Variants in RANBP2 observed in about 807,000 individuals in gnomAD.
The protein encoded by RANBP2 is RAN binding protein 2.
In RANBP2, 57 loss-of-function variants were observed where a neutral mutation model predicts 303.6. The ratio of observed to expected loss-of-function variants is 0.19; its 90% CI spans 0.15 to 0.23. The LOEUF is 0.23. Among genes scored for constraint, RANBP2 ranks in the 10% least tolerant of loss-of-function variants. The pLI is 1.00. For synonymous variants in RANBP2, 1,167 were observed against 1,301.5 expected (o/e 0.90, Z 2.23); for missense variants, 3,138 against 3,780.8 (o/e 0.83, Z 4.46).
At chr2:108,823,984 A>T in the RANBP2 span, among the ~76,000 whole-genome samples, 1 of 151,008 alleles carries the variant, frequency 6.6e-6, no homozygotes, top group Non-Finnish European at 1.5e-5. Flanking sequence ...CAAAAGAAAA[A>T]AAAGGGAGGG....
chr2:108,873,725 C>A, the RANBP2 span: 1 of 566,842 alleles, frequency 1.8e-6, no homozygotes, highest in Non-Finnish European at 3.0e-6. Flanking sequence ...ACATAAAATA[C>A]GCTAACACTA....
chr2:109,395,713 A>G, the RANBP2 span, among the ~76,000 whole-genome samples: 1 of 152,186 alleles, frequency 6.6e-6, no homozygotes, highest in Non-Finnish European at 1.5e-5. Flanking sequence ...GTGGCCGCCC[A>G]GTGCTCAGTG....
At chr2:109,065,556 G>A in the RANBP2 span, among the ~76,000 whole-genome samples, 49 of 152,332 alleles carry the variant, frequency 3.2e-4, no homozygotes, top group Non-Finnish European at 5.9e-4. Context: ...CTAACTGGAG[G>A]AGAGCAAGCT....
the RANBP2 span, among the ~76,000 whole-genome samples, chr2:109,008,771 G>A: frequency 2.7e-5 from 4 of 150,904 alleles, no homozygotes; most frequent in Admixed American, 6.6e-5. Context: ...GTGTGGTGGC[G>A]GGCGCCTGTA....
the RANBP2 span, among the ~76,000 whole-genome samples, chr2:109,602,901 CAAAA>C: frequency 4.5e-5 from 5 of 110,372 alleles, no homozygotes; most frequent in East Asian, 2.7e-4. Flanking sequence ...GACCCTGTCT[CAAAA>C]AAAAAAAAAA....
the RANBP2 span, among the ~76,000 whole-genome samples, chr2:109,340,860 A>C: frequency 1.3e-5 from 2 of 152,190 alleles, no homozygotes; most frequent in African/African-American, 4.8e-5. Flanking sequence ...CTTTGATGCA[A>C]CAGGGAAACA....
chr2:108,982,895 GA>G, the RANBP2 span, among the ~76,000 whole-genome samples: 1 of 152,202 alleles, frequency 6.6e-6, no homozygotes, highest in East Asian at 1.9e-4. Context: ...TGGCCACCCA[GA>G]CAGGCCAGGT....
chr2:108,832,964 T>G, the RANBP2 span, among the ~76,000 whole-genome samples: 1 of 152,202 alleles, frequency 6.6e-6, no homozygotes, highest in East Asian at 1.9e-4. Context: ...GGGATCTATA[T>G]TTTACCATGG....
In RANBP2 at chr2:108,746,608, GTTTA is replaced by G. The variant is rs1440126252; in HGVS notation, c.976-100_976-97del. On this transcript the variant is annotated intron_variant, in intron 7 of 28. Transcript: ENST00000283195. ...AATTCAGTTTAATTAATGGTTAACTGTTTATTCATTATCAAAAAAAGTACAGTGT... is the reference window on the plus strand; with the variant it reads ...AATTCAGTTTAATTAATGGTTAACTGTTCATTATCAAAAAAAGTACAGTGT... The G allele has an allele frequency of 1.6e-5, 15 of 938,612 alleles. No individual in the cohort carries two copies. The Admixed American group carries it at 3.6e-4, about 22-fold the overall frequency. 58.1% of individuals were successfully genotyped at this position (938,612 alleles called of 1,614,324 possible).
At chr2:109,288,742 T>C in the RANBP2 span, among the ~76,000 whole-genome samples, 5 of 151,814 alleles carry the variant, frequency 3.3e-5, no homozygotes, top group Non-Finnish European at 7.3e-5. Context: ...GGGTAAAAGT[T>C]GTCATGATGG....
the RANBP2 span, among the ~76,000 whole-genome samples, chr2:109,266,107 TTG>T: frequency 1.3e-5 from 2 of 150,768 alleles, no homozygotes; most frequent in South Asian, 2.1e-4. Flanking sequence ...CATGTGTGTG[TTG>T]TGTGTATGTG....
the RANBP2 span, among the ~76,000 whole-genome samples, chr2:109,735,635 A>G: frequency 6.6e-6 from 1 of 152,182 alleles, no homozygotes; most frequent in East Asian, 1.9e-4. Flanking sequence ...AGTTAAAAAA[A>G]ATTTTTTTTT....
the RANBP2 span, among the ~76,000 whole-genome samples, chr2:109,211,904 A>G: frequency 6.6e-6 from 1 of 152,280 alleles, no homozygotes; most frequent in African/African-American, 2.4e-5. Flanking sequence ...CGGCCTCCCA[A>G]AGTGCTGGGA....
chr2:109,708,517 C>T, the RANBP2 span, among the ~76,000 whole-genome samples: 4 of 151,952 alleles, frequency 2.6e-5, no homozygotes, highest in Admixed American at 6.6e-5. Context: ...AATTAGCTGG[C>T]GTGGTGGTGC....
chr2:109,299,440 G>A, the RANBP2 span, among the ~76,000 whole-genome samples: 1 of 151,840 alleles, frequency 6.6e-6, no homozygotes, highest in East Asian at 2.0e-4. Flanking sequence ...TCACCCTAAG[G>A]GTGATCTTAA....
the RANBP2 span, among the ~76,000 whole-genome samples, chr2:108,834,005 C>T: frequency 6.6e-6 from 1 of 150,884 alleles, no homozygotes; most frequent in African/African-American, 2.4e-5. Context: ...CTCGGCCTCC[C>T]AAAGTGCTGG....
the RANBP2 span, among the ~76,000 whole-genome samples, chr2:108,853,668 A>G: frequency 6.7e-6 from 1 of 150,044 alleles, no homozygotes; most frequent in Non-Finnish European, 1.5e-5. Flanking sequence ...CTGGGACTAC[A>G]GGCATGCACT....
At chr2:109,423,259 C>T in the RANBP2 span, among the ~76,000 whole-genome samples, 2 of 152,132 alleles carry the variant, frequency 1.3e-5, no homozygotes, top group East Asian at 1.9e-4. Flanking sequence ...TTTTCATCCT[C>T]CCCTGCTGAG....
chr2:109,481,503 G>T, the RANBP2 span, among the ~76,000 whole-genome samples: 2 of 152,178 alleles, frequency 1.3e-5, no homozygotes, highest in Non-Finnish European at 2.9e-5. Context: ...AACCTCCTCG[G>T]CCTGTTATTG....
Sources: gnomAD v4.1 joint callset for allele counts (sites outside exome capture counted in the v4.1 genomes callset) on GRCh38, gnomAD v4.1.1 for gene constraint, MANE v1.5 for transcripts, NCBI Gene and HGNC (gene_info 2026-07-23, HGNC 2026-07-21) for gene names.